Variants in MARK1 observed in about 807,000 individuals in gnomAD.
MARK1 encodes serine/threonine-protein kinase MARK1.
Under a neutral mutation model 96.3 loss-of-function variants are expected in MARK1, and 40 were observed. The ratio of observed to expected loss-of-function variants is 0.42; its 90% CI spans 0.32 to 0.54. The LOEUF (loss-of-function observed/expected upper bound fraction) is 0.54, where lower values mean the gene tolerates loss of function less well. Ranked by LOEUF, MARK1 falls within the 20% of genes least tolerant of loss-of-function variation. The pLI is 0.16. For missense variants in MARK1, 719 were observed against 984.6 expected, an observed-to-expected ratio of 0.73 and a Z score of 3.61; for synonymous variants, 317 against 341.2, an observed-to-expected ratio of 0.93 and a Z score of 0.78.
At chr1:220,598,133 C>G (rs961958268) in intron 3 of MARK1, among the ~76,000 whole-genome samples, 198 bp from the exon 4 acceptor site, 3 of 151,990 alleles carry the variant, frequency 2.0e-5, no homozygotes, top group Non-Finnish European at 2.9e-5. Context: ...CAAGTCACAG[C>G]GAAGTTAATG....
chr1:220,635,454 C>G lies in MARK1; in HGVS notation c.1201C>G (p.Leu401Val), dbSNP rs777264670. Residue 401 changes from leucine to valine, a missense_variant, in exon 12 of 18, where the codon CTT becomes GTT. This residue lies in a region of MARK1 where 501 missense variants were observed against 588.3 expected (regional missense o/e 0.85). Coordinates refer to ENST00000366917, the MANE Select transcript of MARK1 (RefSeq NM_018650.5). Reference protein sequence around the residue: ...RPSSDLNNSTLQSPAHLKVQR... With the variant: ...RPSSDLNNSTVQSPAHLKVQR... Reference sequence around the variant, plus strand: ...CAGTAGTGACTTAAACAACAGCACTCTTCAGTCCCCTGCTCACCTGAAGGT... The same window carrying G: ...CAGTAGTGACTTAAACAACAGCACTGTTCAGTCCCCTGCTCACCTGAAGGT... 6.2e-7 allele frequency: 1 copy of G among 1,613,336 alleles called. No homozygotes were observed. The highest frequency in any genetic ancestry group is 8.5e-7 in the Non-Finnish European group (1 of 1,179,840).
At chr1:220,602,003 A>G (rs1355818575) in intron 5 of MARK1, among the ~76,000 whole-genome samples, 3 of 152,326 alleles carry the variant, frequency 2.0e-5, no homozygotes, top group South Asian at 2.1e-4. Context: ...CAGTAAATCT[A>G]GAATGATTTT....
chr1:220,585,634 C>A (rs1354173215), intron 3 of MARK1, among the ~76,000 whole-genome samples: 1 of 152,086 alleles, frequency 6.6e-6, no homozygotes, highest in Non-Finnish European at 1.5e-5. Context: ...TGTCAAAAAT[C>A]TATTTGCTAA....
At chr1:220,647,921 A>G (rs1188783051) in intron 13 of MARK1, among the ~76,000 whole-genome samples, 1 of 152,162 alleles carries the variant, frequency 6.6e-6, no homozygotes, top group Non-Finnish European at 1.5e-5. Flanking sequence ...GGAGAGCATT[A>G]GGAAAAATAG....
intron 13 of MARK1, among the ~76,000 whole-genome samples, chr1:220,647,649 C>T (rs1049667292): frequency 3.3e-5 from 5 of 152,090 alleles, no homozygotes; most frequent in Non-Finnish European, 7.4e-5. Flanking sequence ...AACCCAAATG[C>T]CCATCAATGA....
rs1005137053 is a variant in MARK1 at position 220,590,241 on chromosome 1, T to A, written c.310-8090T>A. ...TAGACATTTGCTTAAGATGTGGTAC[T>A]TTTCAATTGGCCAAAATTCTCTAGA... On this transcript the variant is annotated intron_variant, in intron 3 of 17. Transcript: ENST00000366917. 7.2e-5 allele frequency among the ~76,000 whole-genome samples: 11 copies of A among 152,238 alleles called. No individual in the cohort carries two copies. In the South Asian group the frequency reaches 2.3e-3, roughly 32 times the overall value.
chr1:220,617,956 A>C (rs1336534783), intron 7 of MARK1, among the ~76,000 whole-genome samples: 2 of 152,154 alleles, frequency 1.3e-5, no homozygotes, highest in African/African-American at 4.8e-5. Flanking sequence ...GATTCGTATT[A>C]TGTTCTTTAG....
intron 11 of MARK1, among the ~76,000 whole-genome samples, chr1:220,632,936 C>T (rs1048176572): frequency 6.6e-6 from 1 of 152,132 alleles, no homozygotes; most frequent in Non-Finnish European, 1.5e-5. Context: ...ATTTGACTCA[C>T]AGTACTGCAG....
rs1347791381 is a variant in MARK1, at chr1:220,618,471, G to A, written c.714G>A (p.Val238=). The A allele has an allele frequency of 1.1e-5, 17 of 1,614,140 alleles. No individual in the cohort carries two copies. The South Asian group carries it at 1.9e-4, about 18-fold the overall frequency. Residue 238 remains valine (V), a synonymous_variant, in exon 8 of 18, where the codon GTG becomes GTA. Transcript: ENST00000366917. This position sits in a 1 kb window ranked among gnomAD's most constrained non-coding sequence, Gnocchi z 4.6. ...FQGKKYDGPE[V]DVWSLGVILY... ...GAAAGAAGTATGATGGGCCTGAAGT[G>A]GATGTGTGGAGTCTGGGCGTCATTC...
chr1:220,626,259 T>C (rs1572196498), intron 9 of MARK1: 2 of 530,894 alleles, frequency 3.8e-6, no homozygotes, highest in East Asian at 4.7e-5. Context: ...ATATTGACAT[T>C]GATATTCACC....
chr1:220,570,515 T>C (rs548673206), intron 1 of MARK1, among the ~76,000 whole-genome samples: 79 of 152,188 alleles, frequency 5.2e-4, no homozygotes, highest in Non-Finnish European at 9.3e-4. Flanking sequence ...TTCTTGTTTC[T>C]GTTTTTATGG....
intron 7 of MARK1, among the ~76,000 whole-genome samples, chr1:220,617,512 T>C (rs1306469712): frequency 6.6e-6 from 1 of 152,202 alleles, no homozygotes; most frequent in Non-Finnish European, 1.5e-5. Context: ...TATCCATCCA[T>C]TGTAATAGAG....
At chr1:220,563,277 C>T (rs745572773) in intron 1 of MARK1, among the ~76,000 whole-genome samples, 1 of 151,790 alleles carries the variant, frequency 6.6e-6, no homozygotes, top group African/African-American at 2.4e-5. Flanking sequence ...AATAATTTTC[C>T]TTAAAAGAAG....
Position 220,618,879 on chromosome 1 carries a change from G to T in MARK1, c.909+124G>T. On this transcript the variant is annotated intron_variant, in intron 9 of 17. Transcript: ENST00000366917. The surrounding 1 kb of genome is among the most constrained non-coding windows in gnomAD (Gnocchi z 4.6). ...AAATTATCTAATCTGCCTTTTGTTT[G>T]TAGGTAGGGAAAATTACATGACTTT... The T allele has an allele frequency of 1.3e-6, 1 of 795,394 alleles. No individual in the cohort carries two copies. Among genetic ancestry groups the T allele is most frequent in the South Asian group, 2.2e-5 (1 of 46,292 alleles). The allele number at this position is 795,394 out of a possible 1,614,324, so 49.3% of individuals were successfully genotyped here. A position where few individuals can be genotyped will look rare whatever the true frequency, so the allele number is the denominator to read the frequency against.
In MARK1 at chr1:220,652,014, T is replaced by C. The variant is rs774761731; in HGVS notation, c.1600T>C (p.Ser534Pro). 17 of 1,609,280 alleles carry C rather than the reference T, an allele frequency of 1.1e-5. No homozygotes were observed. Among genetic ancestry groups the C allele is most frequent in the Non-Finnish European group, 1.4e-5 (16 of 1,176,144 alleles). Residue 534 changes from serine to proline, a missense_variant, in exon 15 of 18, where the codon TCT (serine) becomes CCT (proline). This residue lies in a region of MARK1 where 501 missense variants were observed against 588.3 expected (regional missense o/e 0.85). Transcript: ENST00000366917. ...TACGGAGATGTCTGTGAGTAGCATA[T>C]CTTCTGCAGGCTCTTCTGTGGCCTC... The part of the protein sequence containing the change: ...SLTEMSVSSI[S>P]SAGSSVASAV...
chr1:220,583,312 A>T (rs922147080), intron 3 of MARK1, among the ~76,000 whole-genome samples: 2 of 152,190 alleles, frequency 1.3e-5, no homozygotes, highest in Non-Finnish European at 2.9e-5. Flanking sequence ...TCAGATATTT[A>T]TAGGAATTAC....
intron 2 of MARK1, among the ~76,000 whole-genome samples, chr1:220,580,311 C>T (rs140673732): frequency 1.3e-5 from 2 of 151,918 alleles, no homozygotes; most frequent in African/African-American, 4.8e-5. Context: ...TGGCAAAACC[C>T]CAGCTCTACA....
At chr1:220,645,049 T>C (rs951841620) in intron 13 of MARK1, among the ~76,000 whole-genome samples, 6 of 152,010 alleles carry the variant, frequency 3.9e-5, no homozygotes, top group African/African-American at 1.4e-4. Flanking sequence ...ACCCCTGAGC[T>C]AGCAGACAAG....
At chr1:220,646,977 T>G (rs892064948) in intron 13 of MARK1, among the ~76,000 whole-genome samples, 1 of 151,994 alleles carries the variant, frequency 6.6e-6, no homozygotes, top group African/African-American at 2.4e-5. Context: ...GCAATACCAC[T>G]CAGGACACAG....
Sources: allele counts gnomAD v4.1 joint callset (sites outside exome capture counted in the v4.1 genomes callset), GRCh38; gene constraint gnomAD v4.1.1; regional missense constraint gnomAD v4.1.1; non-coding constraint Gnocchi (gnomAD v3.1); transcripts MANE v1.5; gene names NCBI Gene and HGNC (gene_info 2026-07-23, HGNC 2026-07-21).